SLC35F3: variants seen among roughly 807,000 people sequenced by gnomAD.
The protein encoded by SLC35F3 is putative thiamine transporter SLC35F3.
Under a neutral mutation model 49.9 loss-of-function variants are expected in SLC35F3, and 25 were observed. That is an observed-to-expected ratio of 0.50 (90% CI 0.37 to 0.70). The LOEUF is 0.70. Among genes scored for constraint, SLC35F3 ranks in the 30% least tolerant of loss-of-function variants. The probability of loss-of-function intolerance (pLI) is 0.00; values close to 1 mark genes in which losing one functional copy is unlikely to be tolerated. For synonymous variants in SLC35F3, 275 were observed against 265.4 expected, an observed-to-expected ratio of 1.04 and a Z score of -0.35; for missense variants, 525 against 639.8, an observed-to-expected ratio of 0.82 and a Z score of 1.94.
At chr1:234,044,351 T>C (rs1292656537) in intron 2 of SLC35F3, among the ~76,000 whole-genome samples, 2 of 152,202 alleles carry the variant, frequency 1.3e-5, no homozygotes, top group African/African-American at 2.4e-5. Flanking sequence ...CAACACAAAA[T>C]GGGCTAGATT....
At chr1:234,101,564 T>C in intron 2 of SLC35F3, among the ~76,000 whole-genome samples, 1 of 152,222 alleles carries the variant, frequency 6.6e-6, no homozygotes, top group East Asian at 1.9e-4. Context: ...TCGTGAGGAT[T>C]AAATAAGAAA....
In SLC35F3 at chr1:233,904,810, C is replaced by T. The variant is rs1661741483; in HGVS notation, c.-268C>T. On this transcript the variant is annotated 5_prime_UTR_variant, in exon 1 of 8. Transcript: ENST00000366618. Reference sequence around the variant, plus strand: ...TGACGGGCGTGGGGCGCGGCGCTGCCTCGGCTGCCGGGTCGTTGCGGCGAG... The same window carrying T: ...TGACGGGCGTGGGGCGCGGCGCTGCTTCGGCTGCCGGGTCGTTGCGGCGAG... 5.8e-6 allele frequency: 1 copy of T among 171,430 alleles called. No individual in the cohort carries two copies. The highest frequency in any genetic ancestry group is 6.3e-5 in the Admixed American group (1 of 15,818). 10.6% of individuals were successfully genotyped at this position (171,430 alleles called of 1,614,324 possible).
chr1:234,020,353 AATT>A (rs1663871270), intron 2 of SLC35F3, among the ~76,000 whole-genome samples: 1 of 152,174 alleles, frequency 6.6e-6, no homozygotes, highest in African/African-American at 2.4e-5. Flanking sequence ...GTCATAACAA[AATT>A]ATTATCTTTG....
intron 2 of SLC35F3, among the ~76,000 whole-genome samples, chr1:233,930,798 G>A (rs1571984362): frequency 6.6e-6 from 1 of 152,146 alleles, no homozygotes; most frequent in East Asian, 1.9e-4. Context: ...TCAAGGAAAA[G>A]AAAATATATT....
At chr1:234,073,614 G>A (rs896016190) in intron 2 of SLC35F3, among the ~76,000 whole-genome samples, 3 of 152,128 alleles carry the variant, frequency 2.0e-5, no homozygotes, top group African/African-American at 7.2e-5. Context: ...TTCCTTCAAA[G>A]GTACTGGGAA....
At chr1:234,155,013 A>G (rs1666130236) in intron 2 of SLC35F3, among the ~76,000 whole-genome samples, 1 of 152,254 alleles carries the variant, frequency 6.6e-6, no homozygotes. Context: ...ACCTATGCAC[A>G]TCCTCCATAT....
chr1:234,260,877 C>T (rs1393997904), intron 3 of SLC35F3, among the ~76,000 whole-genome samples: 7 of 152,136 alleles, frequency 4.6e-5, no homozygotes, highest in East Asian at 1.9e-4. Flanking sequence ...TTCCTGTGTT[C>T]GCCTCCCTCG....
At chr1:234,081,494 G>A (rs1664874773) in intron 2 of SLC35F3, among the ~76,000 whole-genome samples, 1 of 152,200 alleles carries the variant, frequency 6.6e-6, no homozygotes, top group African/African-American at 2.4e-5. Context: ...ACGGGAGGCA[G>A]GGGATTGAGT....
chr1:234,240,005 A>C (rs1290987391), intron 3 of SLC35F3, among the ~76,000 whole-genome samples: 3 of 152,142 alleles, frequency 2.0e-5, no homozygotes, highest in Non-Finnish European at 4.4e-5. Flanking sequence ...GTGTGTAAAA[A>C]GTTCTAAACT....
At chr1:234,113,433 A>C (rs920099640) in intron 2 of SLC35F3, among the ~76,000 whole-genome samples, 2 of 152,248 alleles carry the variant, frequency 1.3e-5, no homozygotes, top group African/African-American at 4.8e-5. Context: ...AAGCTAGAGG[A>C]GGAAGAAGCT....
intron 2 of SLC35F3, among the ~76,000 whole-genome samples, chr1:234,199,056 A>AC (rs1666857764): frequency 2.0e-4 from 1 of 5,072 alleles, no homozygotes; most frequent in South Asian, 3.4e-3. Context: ...TTATTTCTAC[A>AC]AAAAAAAAAA....
At chr1:234,134,808 G>C (rs1665786093) in intron 2 of SLC35F3, among the ~76,000 whole-genome samples, 1 of 152,080 alleles carries the variant, frequency 6.6e-6, no homozygotes, top group Non-Finnish European at 1.5e-5. Context: ...TGCAACCTCT[G>C]CCTCACAGGT....
intron 2 of SLC35F3, among the ~76,000 whole-genome samples, chr1:234,126,507 G>T (rs1665650225): frequency 6.6e-6 from 1 of 151,328 alleles, no homozygotes. Flanking sequence ...AGTTCTACAT[G>T]ATTTTATTAC....
Position 234,214,903 on chromosome 1 carries a change from C to T in SLC35F3, c.284-16514C>T, listed in dbSNP as rs976025045. The T allele has an allele frequency of 5.2e-5, 14 of 268,066 alleles. No individual in the cohort carries two copies. Among genetic ancestry groups the T allele is most frequent in the Non-Finnish European group, 8.4e-5 (12 of 142,998 alleles). The allele number at this position is 268,066 out of a possible 1,614,324, so 16.6% of individuals were successfully genotyped here. On this transcript the variant is annotated intron_variant, in intron 2 of 7. Coordinates refer to ENST00000366618, the MANE Select transcript of SLC35F3 (RefSeq NM_173508.4). This position sits in a 1 kb window ranked among gnomAD's most constrained non-coding sequence, Gnocchi z 8.0. ...GTTTGTCCTGGGGCTCTTGTCTGTT[C>T]GGCAGGAGGGGGTCGTCCAGCCGCT...
intron 2 of SLC35F3, among the ~76,000 whole-genome samples, chr1:233,987,114 C>A (rs887769777): frequency 1.3e-5 from 2 of 150,978 alleles, no homozygotes; most frequent in African/African-American, 4.9e-5. Flanking sequence ...TGATAAAACC[C>A]CATCTCTACC....
intron 2 of SLC35F3, among the ~76,000 whole-genome samples, chr1:233,986,712 C>T (rs1376361923): frequency 2.6e-5 from 4 of 152,126 alleles, no homozygotes; most frequent in Non-Finnish European, 4.4e-5. Flanking sequence ...TAGCCCATAC[C>T]CTTCAACAGA....
intron 2 of SLC35F3, among the ~76,000 whole-genome samples, chr1:234,114,754 G>T (rs1015659384): frequency 4.6e-5 from 7 of 152,192 alleles, no homozygotes; most frequent in Non-Finnish European, 8.8e-5. Context: ...TTGGAAAGAG[G>T]CGTTTTTCAT....
At chr1:234,205,927 C>A (rs73110449) in intron 2 of SLC35F3, among the ~76,000 whole-genome samples, 7,423 of 151,956 alleles carry the variant, frequency 0.049, 590 homozygotes, top group African/African-American at 0.17. Flanking sequence ...GGTGAGGGGT[C>A]CGTGTAGAGG....
chr1:234,308,481 T>A lies in SLC35F3; in HGVS notation c.609-620T>A, dbSNP rs780754038. 1.7e-4 allele frequency among the ~76,000 whole-genome samples: 26 copies of A among 152,280 alleles called. 1 individual carries two copies. Among genetic ancestry groups the A allele is most frequent in the East Asian group, 3.9e-4 (2 of 5,190 alleles). The stretch of plus-strand genomic sequence containing the variant: ...TTTTGCGATTTCTTTTTGTAGCTCA[T>A]CAGCTATCGTTAGTGTTAGTGTAGT... On this transcript the variant is annotated intron_variant, in intron 3 of 7. Coordinates refer to ENST00000366618, the MANE Select transcript of SLC35F3 (RefSeq NM_173508.4).
Sources: allele counts gnomAD v4.1 joint callset (sites outside exome capture counted in the v4.1 genomes callset), GRCh38; gene constraint gnomAD v4.1.1; non-coding constraint Gnocchi (gnomAD v3.1); transcripts MANE v1.5; gene names NCBI Gene and HGNC (gene_info 2026-07-23, HGNC 2026-07-21).